Variants in RNF217 observed in about 807,000 individuals in gnomAD.
RNF217 encodes the protein E3 ubiquitin-protein ligase RNF217.
Under a neutral mutation model 57.8 loss-of-function variants are expected in RNF217, and 31 were observed. That is an observed-to-expected ratio of 0.54 (90% CI 0.40 to 0.72). The LOEUF (loss-of-function observed/expected upper bound fraction) is 0.72, where lower values mean the gene tolerates loss of function less well. RNF217 is among the 30% of genes least tolerant of loss of function. RNF217 has a pLI of 0.00. For missense variants in RNF217, 696 were observed against 708.3 expected (o/e 0.98, Z 0.20); for synonymous variants, 313 against 294.0 (o/e 1.06, Z -0.66).
intron 4 of RNF217, among the ~76,000 whole-genome samples, chr6:125,077,557 C>T (rs1269428431): frequency 1.3e-5 from 2 of 152,166 alleles, no homozygotes; most frequent in African/African-American, 4.8e-5. Context: ...ACACAGACAC[C>T]TGCCCATAAA....
Position 125,082,913 on chromosome 6 carries a change from A to T in RNF217, c.1605A>T (p.Arg535=). The change falls in exon 6 of 6, where the codon CGA becomes CGT. Residue 535 remains arginine (R), a synonymous_variant. Coordinates refer to ENST00000521654, the MANE Select transcript of RNF217 (RefSeq NM_001286398.3). The stretch of plus-strand genomic sequence containing the variant: ...GCCTTTGTAAAAAACAGAGAAAACG[A>T]TCACGGACAGGTATGCACTGGTAAC... The part of the protein sequence containing the change: ...IYCLCKKQRK[R]SRTGMHW 1.2e-6 allele frequency: 2 copies of T among 1,604,950 alleles called. No homozygotes were observed. Among genetic ancestry groups the T allele is most frequent in the Non-Finnish European group, 1.7e-6 (2 of 1,177,320 alleles).
intron 1 of RNF217, among the ~76,000 whole-genome samples, chr6:125,024,702 A>G (rs1785999068): frequency 6.9e-6 from 1 of 145,876 alleles, no homozygotes; most frequent in African/African-American, 2.6e-5. Context: ...CCTGGGTGAC[A>G]GGGTAAGACT....
intron 1 of RNF217, among the ~76,000 whole-genome samples, chr6:124,974,249 C>T (rs187952795): frequency 1.0e-3 from 157 of 152,292 alleles, no homozygotes; most frequent in African/African-American, 3.7e-3. Context: ...AAAACCTCCA[C>T]TACTTAAGAG....
intron 1 of RNF217, among the ~76,000 whole-genome samples, chr6:125,007,071 A>T (rs1785213216): frequency 6.6e-6 from 1 of 152,206 alleles, no homozygotes; most frequent in African/African-American, 2.4e-5. Context: ...TAATTCTGAG[A>T]TTTGTTATCC....
At chr6:124,992,736 T>TTTG (rs1362106513) in intron 1 of RNF217, among the ~76,000 whole-genome samples, 1 of 152,212 alleles carries the variant, frequency 6.6e-6, no homozygotes, top group Non-Finnish European at 1.5e-5. Flanking sequence ...CAGAACATTC[T>TTTG]TTGTTGTAAT....
In RNF217 at chr6:125,088,995, G is replaced by A. The variant is rs945187414; in HGVS notation, c.*6058G>A. ...GTGTGGGATAAATTCTGTCTCGCCC[G>A]TAACTCCTTTCACTGTAATGAAATG... On this transcript the variant is annotated 3_prime_UTR_variant, in exon 6 of 6. Transcript: ENST00000521654. 2.0e-5 allele frequency: 3 copies of A among 152,488 alleles called. No individual in the cohort carries two copies. The highest frequency in any genetic ancestry group is 4.2e-4 in the South Asian group (2 of 4,818). 9.4% of individuals were successfully genotyped at this position (152,488 alleles called of 1,614,324 possible).
At chr6:125,053,382 C>G (rs565303052) in intron 2 of RNF217, among the ~76,000 whole-genome samples, 1 of 152,124 alleles carries the variant, frequency 6.6e-6, no homozygotes, top group Non-Finnish European at 1.5e-5. Context: ...TGAATTGATA[C>G]ATGTGCTTCA....
At chr6:125,007,751 C>T (rs1785245900) in intron 1 of RNF217, among the ~76,000 whole-genome samples, 1 of 152,140 alleles carries the variant, frequency 6.6e-6, no homozygotes, top group Non-Finnish European at 1.5e-5. Flanking sequence ...CCTTATACTT[C>T]AGGTTAGAGA....
In RNF217 at chr6:124,963,197, C is replaced by A; in HGVS notation, c.653C>A (p.Pro218His). The A allele has an allele frequency of 2.0e-6, 3 of 1,536,100 alleles. No homozygotes were observed. Among genetic ancestry groups the A allele is most frequent in the Non-Finnish European group, 1.7e-6 (2 of 1,146,886 alleles). Residue 218 changes from proline (P) to histidine (H), a missense_variant, in exon 1 of 6, where the codon CCC (proline) becomes CAC (histidine). By Grantham distance (77) the Pro-to-His change is moderately conservative. Coordinates refer to ENST00000521654, the MANE Select transcript of RNF217 (RefSeq NM_001286398.3). Reference sequence around the variant, plus strand: ...TCCCTCCCAACGGATTCCCTCTCCCCCGACGGCGGCAGCATCGAGCTGGAG... The same window carrying A: ...TCCCTCCCAACGGATTCCCTCTCCCACGACGGCGGCAGCATCGAGCTGGAG... ...RLSLPTDSLS[P>H]DGGSIELEFY... is the part of the protein sequence containing the mutation.
rs1582639149 is a variant in RNF217, at chr6:124,962,877, G to A, written c.333G>A (p.Glu111=). The A allele has an allele frequency of 6.3e-7, 1 of 1,598,122 alleles. No homozygotes were observed. The highest frequency in any genetic ancestry group is 8.5e-7 in the Non-Finnish European group (1 of 1,179,678). ...LPLQLELEEE[E]EEAGDRKEGG... is the part of the protein sequence containing the mutation. Reference sequence around the variant, plus strand: ...TGCAGTTGGAGCTGGAGGAGGAAGAGGAGGAAGCTGGGGATCGAAAAGAGG... The same window carrying A: ...TGCAGTTGGAGCTGGAGGAGGAAGAAGAGGAAGCTGGGGATCGAAAAGAGG... Residue 111 remains glutamate (E), a synonymous_variant, in exon 1 of 6, where the codon GAG becomes GAA. Transcript: ENST00000521654. The surrounding 1 kb of genome is among the most constrained non-coding windows in gnomAD (Gnocchi z 4.6).
chr6:125,089,810 C>T lies in RNF217; in HGVS notation c.*6873C>T, dbSNP rs1788881023. 6.6e-6 allele frequency: 1 copy of T among 152,056 alleles called. No individual in the cohort carries two copies. Among genetic ancestry groups the T allele is most frequent in the Non-Finnish European group, 1.5e-5 (1 of 67,992 alleles). 9.4% of individuals were successfully genotyped at this position (152,056 alleles called of 1,614,324 possible). A position where few individuals can be genotyped will look rare whatever the true frequency, so the allele number is the denominator to read the frequency against. ...CAGCTTGGGAAATATTCTTAGTAAT[C>T]CAATCAAATCCTTAAAAACAGCATT... On this transcript the variant is annotated 3_prime_UTR_variant, in exon 6 of 6. Transcript: ENST00000521654.
intron 1 of RNF217, among the ~76,000 whole-genome samples, chr6:125,036,417 T>C (rs1786619975): frequency 6.6e-6 from 1 of 152,184 alleles, no homozygotes; most frequent in East Asian, 1.9e-4. Flanking sequence ...AGTAGAATGA[T>C]TTATAATCCT....
chr6:125,035,953 G>A (rs879271600), intron 1 of RNF217, among the ~76,000 whole-genome samples: 1 of 151,630 alleles, frequency 6.6e-6, no homozygotes, highest in Admixed American at 6.6e-5. Flanking sequence ...TACATGTGCA[G>A]AATGTGCAGG....
chr6:125,063,443 G>A (rs80006374), intron 3 of RNF217, among the ~76,000 whole-genome samples: 1,759 of 152,140 alleles, frequency 0.012, 10 homozygotes, highest in Non-Finnish European at 0.02. Flanking sequence ...ATTCTGATAC[G>A]CCATCTCTAT....
chr6:125,053,387 G>A (rs906937206), intron 2 of RNF217, among the ~76,000 whole-genome samples: 3 of 152,096 alleles, frequency 2.0e-5, no homozygotes, highest in African/African-American at 7.2e-5. Context: ...TGATACATGT[G>A]CTTCATTATT....
intron 1 of RNF217, among the ~76,000 whole-genome samples, chr6:125,037,541 G>A (rs113542766): frequency 3.0e-3 from 452 of 152,116 alleles, no homozygotes; most frequent in African/African-American, 0.01. Context: ...AAATTCAAAG[G>A]CATCTAGCAC....
chr6:125,078,442 C>T (rs511449), intron 4 of RNF217, among the ~76,000 whole-genome samples: 6,773 of 152,196 alleles, frequency 0.045, 486 homozygotes, highest in African/African-American at 0.15. Context: ...TTATTTGGCT[C>T]ATGGTTCTGG....
At chr6:124,983,771 GAA>G (rs1236676469) in intron 1 of RNF217, among the ~76,000 whole-genome samples, 1 of 152,122 alleles carries the variant, frequency 6.6e-6, no homozygotes, top group Non-Finnish European at 1.5e-5. Flanking sequence ...AAGACTCTTG[GAA>G]AAGATACTTA....
chr6:125,025,023 A>G (rs938821293), intron 1 of RNF217, among the ~76,000 whole-genome samples: 3 of 152,202 alleles, frequency 2.0e-5, no homozygotes, highest in African/African-American at 7.2e-5. Context: ...CTTAAAGGAT[A>G]GATGCAGGGA....
Sources: allele counts gnomAD v4.1 joint callset (sites outside exome capture counted in the v4.1 genomes callset), GRCh38; gene constraint gnomAD v4.1.1; non-coding constraint Gnocchi (gnomAD v3.1); transcripts MANE v1.5; gene names NCBI Gene and HGNC (gene_info 2026-07-23, HGNC 2026-07-21).